Variants in ADAMTS9 observed in about 807,000 individuals in gnomAD.
ADAMTS9 encodes ADAM metallopeptidase with thrombospondin type 1 motif 9.
A neutral mutation model predicts 257.1 loss-of-function variants in ADAMTS9; 107 were observed. The observed-to-expected ratio is 0.42, with a 90% CI of 0.36 to 0.49. The LOEUF is 0.49. ADAMTS9 is among the 20% of genes least tolerant of loss of function. The pLI, the probability that ADAMTS9 is intolerant of heterozygous loss-of-function variation, is 0.03. For synonymous variants in ADAMTS9, 982 were observed against 880.9 expected (o/e 1.11, Z -2.03); for missense variants, 2,353 against 2,469.1 (o/e 0.95, Z 1.00).
intron 3 of ADAMTS9, among the ~76,000 whole-genome samples, chr3:64,663,044 C>T (rs74874282): frequency 0.012 from 1,776 of 152,026 alleles, 29 homozygotes; most frequent in African/African-American, 0.039. Context: ...ATCCTAAAAT[C>T]CAAAAAAACC....
At chr3:64,644,247 A>G (rs1271963201) in intron 11 of ADAMTS9, among the ~76,000 whole-genome samples, 1 of 152,208 alleles carries the variant, frequency 6.6e-6, no homozygotes, top group African/African-American at 2.4e-5. Flanking sequence ...TACTATTATT[A>G]CTTCCATTTT....
At position 64,687,862 on chromosome 3, in the gene ADAMTS9, A is replaced by G; in HGVS notation, c.-205T>C. 2.3e-6 allele frequency: 1 copy of G among 438,502 alleles called. No homozygotes were observed. Among genetic ancestry groups the G allele is most frequent in the Non-Finnish European group, 4.1e-6 (1 of 242,956 alleles). The allele number at this position is 438,502 out of a possible 1,614,324, so 27.2% of individuals were successfully genotyped here. ...CAACGCCGCCGCCTGCCGAGAGCTG[A>G]GCCGCTCGGGCCGCAGGAGGAGCCG... On this transcript the variant is annotated 5_prime_UTR_variant, in exon 1 of 40. Transcript: ENST00000498707. The surrounding 1 kb of genome is among the most constrained non-coding windows in gnomAD (Gnocchi z 4.4).
intron 16 of ADAMTS9, 33 bp from the exon 17 acceptor site, chr3:64,622,619 C>A: frequency 3.1e-6 from 5 of 1,604,472 alleles, no homozygotes; most frequent in Non-Finnish European, 4.3e-6. Flanking sequence ...ATACATTGAT[C>A]TGCTGTCAAT....
At chr3:64,642,858 G>A (rs1213124118) in intron 11 of ADAMTS9, among the ~76,000 whole-genome samples, 2 of 152,210 alleles carry the variant, frequency 1.3e-5, no homozygotes, top group Non-Finnish European at 2.9e-5. Context: ...CAGCCACCAA[G>A]AGGGGAGAGG....
At chr3:64,621,391 T>A in intron 18 of ADAMTS9, 151 bp from the exon 19 acceptor site, 1 of 919,604 alleles carries the variant, frequency 1.1e-6, no homozygotes, top group Non-Finnish European at 1.6e-6. Flanking sequence ...ACCCTGACAT[T>A]ACAGGGCAAA....
intron 38 of ADAMTS9, among the ~76,000 whole-genome samples, chr3:64,523,785 T>C (rs1431527965): frequency 6.6e-6 from 1 of 152,214 alleles, no homozygotes; most frequent in Non-Finnish European, 1.5e-5. Context: ...ATACCTTGAC[T>C]TGTCCTACTA....
At chr3:64,589,747 G>A (rs2084224828) in intron 28 of ADAMTS9, 1 of 152,138 alleles carries the variant, frequency 6.6e-6, no homozygotes. Flanking sequence ...GGTATCAATA[G>A]GCCTCCGGGT....
chr3:64,611,075 CAAAAAAAAA>C (rs34998404), intron 22 of ADAMTS9, among the ~76,000 whole-genome samples: 4 of 72,160 alleles, frequency 5.5e-5, no homozygotes, highest in Admixed American at 1.7e-4. Context: ...GACTCTGTCT[CAAAAAAAAA>C]AAAAAAAAAA....
intron 12 of ADAMTS9, among the ~76,000 whole-genome samples, chr3:64,637,843 C>G (rs1700538380): frequency 6.6e-6 from 1 of 152,114 alleles, no homozygotes; most frequent in Non-Finnish European, 1.5e-5. Flanking sequence ...ATGATCTTTC[C>G]AAATGGGGCA....
At chr3:64,523,910 T>C (rs2082880041) in intron 38 of ADAMTS9, among the ~76,000 whole-genome samples, 3 of 152,186 alleles carry the variant, frequency 2.0e-5, no homozygotes, top group Admixed American at 6.5e-5. Context: ...AATTCAACAC[T>C]TAATGGCTCT....
chr3:64,584,748 T>TC (rs965048832), intron 28 of ADAMTS9, among the ~76,000 whole-genome samples: 5 of 151,960 alleles, frequency 3.3e-5, no homozygotes, highest in Non-Finnish European at 7.4e-5. Flanking sequence ...CCACATTTGC[T>TC]CCCCCCATCT....
chr3:64,580,993 T>G (rs768646177), intron 28 of ADAMTS9, among the ~76,000 whole-genome samples: 7 of 152,174 alleles, frequency 4.6e-5, no homozygotes, highest in Non-Finnish European at 1.0e-4. Flanking sequence ...ACTGTATAAT[T>G]ATTGGGAACC....
chr3:64,575,631 A>G (rs950516639), intron 28 of ADAMTS9, among the ~76,000 whole-genome samples: 2 of 152,262 alleles, frequency 1.3e-5, no homozygotes, highest in African/African-American at 4.8e-5. Flanking sequence ...CAAAGGTTTG[A>G]GAGTCAGACA....
At chr3:64,649,916 T>A in intron 9 of ADAMTS9, 138 bp from the exon 10 acceptor site, 1 of 1,096,340 alleles carries the variant, frequency 9.1e-7, no homozygotes, top group Non-Finnish European at 1.3e-6. Flanking sequence ...ATTCTTTACA[T>A]CCAAGATTAA....
In ADAMTS9 at chr3:64,686,703, G is replaced by T; in HGVS notation, c.381C>A (p.Thr127=). The stretch of plus-strand genomic sequence containing the variant: ...GATTCACCCCGGGCGTCCCGAGGAG[G>T]GTGACAGTGAACAGTGGAGCGATAA... ...AGFIAPLFTV[T]LLGTPGVNQT... The change falls in exon 2 of 40, where the codon ACC becomes ACA. Residue 127 remains threonine, a synonymous_variant. Transcript: ENST00000498707. This position sits in a 1 kb window ranked among gnomAD's most constrained non-coding sequence, Gnocchi z 4.6. 7.4e-6 allele frequency: 12 copies of T among 1,614,222 alleles called. No individual in the cohort carries two copies. Among genetic ancestry groups the T allele is most frequent in the Non-Finnish European group, 1.0e-5 (12 of 1,180,052 alleles).
At chr3:64,545,697 T>C (rs1040076456) in intron 32 of ADAMTS9, among the ~76,000 whole-genome samples, 8 of 152,218 alleles carry the variant, frequency 5.3e-5, no homozygotes, top group Non-Finnish European at 1.5e-5. Context: ...ACATGGCACA[T>C]GTATACATAT....
chr3:64,635,993 A>T (rs951891743), intron 12 of ADAMTS9, among the ~76,000 whole-genome samples: 3 of 152,150 alleles, frequency 2.0e-5, no homozygotes, highest in African/African-American at 7.2e-5. Context: ...ATCTTTTTAG[A>T]TGTCCCAGCT....
chr3:64,565,371 C>T (rs2083515775), intron 29 of ADAMTS9: 1 of 152,204 alleles, frequency 6.6e-6, no homozygotes, highest in South Asian at 2.1e-4. Context: ...TGTAAGACAA[C>T]ACTGATTGCA....
intron 22 of ADAMTS9, among the ~76,000 whole-genome samples, chr3:64,610,434 T>C (rs531025134): frequency 6.6e-6 from 1 of 152,268 alleles, no homozygotes; most frequent in South Asian, 2.1e-4. Flanking sequence ...AGGAACATTA[T>C]TGAATTATAC....
Sources: gnomAD v4.1 joint callset for allele counts (sites outside exome capture counted in the v4.1 genomes callset) on GRCh38, gnomAD v4.1.1 for gene constraint, Gnocchi (gnomAD v3.1) non-coding constraint, MANE v1.5 for transcripts, NCBI Gene and HGNC (gene_info 2026-07-23, HGNC 2026-07-21) for gene names.